SHTN1: variants seen among roughly 807,000 people sequenced by gnomAD.
SHTN1 encodes the protein shootin 1.
SHTN1 carries 42 observed loss-of-function variants against 83.1 expected under a neutral mutation model. That is an observed-to-expected ratio of 0.51 (90% CI 0.39 to 0.65). The LOEUF (loss-of-function observed/expected upper bound fraction) is 0.65. SHTN1 is among the 30% of genes least tolerant of loss of function. The probability of loss-of-function intolerance (pLI) is 0.00; values close to 1 mark genes in which losing one functional copy is unlikely to be tolerated. For synonymous variants in SHTN1, 224 were observed against 247.7 expected (o/e 0.90, Z 0.90); for missense variants, 622 against 737.8 (o/e 0.84, Z 1.82).
At chr10:117,035,206 A>T (rs781330212) in intron 2 of SHTN1, among the ~76,000 whole-genome samples, 21 of 152,240 alleles carry the variant, frequency 1.4e-4, no homozygotes, top group Admixed American at 1.4e-3. Context: ...CTCATTTTCA[A>T]CAAAGGTGCC....
At chr10:117,055,347 C>T (rs1852812783) in intron 1 of SHTN1, among the ~76,000 whole-genome samples, 1 of 152,100 alleles carries the variant, frequency 6.6e-6, no homozygotes, top group Non-Finnish European at 1.5e-5. Flanking sequence ...TTGTGTTTTT[C>T]CTGAGCCACA....
intron 2 of SHTN1, among the ~76,000 whole-genome samples, chr10:117,042,573 C>T (rs1247571695): frequency 6.6e-6 from 1 of 152,094 alleles, no homozygotes; most frequent in Non-Finnish European, 1.5e-5. Flanking sequence ...CAATACAGCT[C>T]TCAAGGGGAT....
chr10:116,894,658 GAAGT>G (rs757921314), intron 16 of SHTN1, among the ~76,000 whole-genome samples: 9 of 152,158 alleles, frequency 5.9e-5, no homozygotes, highest in Non-Finnish European at 8.8e-5. Context: ...TCTCCCTTTT[GAAGT>G]AAGGTTTTAA....
intron 2 of SHTN1, among the ~76,000 whole-genome samples, chr10:117,040,060 G>A (rs11197871): frequency 0.65 from 99,119 of 151,978 alleles, 36,104 homozygotes; most frequent in Middle Eastern, 0.84. Flanking sequence ...ATAGAGAGCT[G>A]TACAATATTC....
chr10:116,995,738 G>A (rs927016456), intron 1 of SHTN1, among the ~76,000 whole-genome samples: 1 of 152,104 alleles, frequency 6.6e-6, no homozygotes, highest in African/African-American at 2.4e-5. Flanking sequence ...CAGTTTTTGG[G>A]AACTGAGGTC....
intron 1 of SHTN1, among the ~76,000 whole-genome samples, chr10:116,994,179 T>C (rs986857656): frequency 3.3e-5 from 5 of 152,120 alleles, no homozygotes; most frequent in African/African-American, 1.2e-4. Flanking sequence ...GTGAGAAAGT[T>C]ATAAGCAAGA....
Position 116,882,707 on chromosome 10 carries a change from A to G in SHTN1, c.*3637T>C, listed in dbSNP as rs984146212. 2.0e-5 allele frequency: 3 copies of G among 152,194 alleles called. No homozygotes were observed. The highest frequency in any genetic ancestry group is 7.2e-5 in the African/African-American group (3 of 41,440). 9.4% of individuals were successfully genotyped at this position (152,194 alleles called of 1,614,324 possible). A position where few individuals can be genotyped will look rare whatever the true frequency, so the allele number is the denominator to read the frequency against. On this transcript the variant is annotated 3_prime_UTR_variant, in exon 17 of 17. Coordinates refer to ENST00000355371, the MANE Select transcript of SHTN1 (RefSeq NM_001127211.3). The stretch of plus-strand genomic sequence containing the variant: ...ACCTCTCCTTTTAAAGAGTACTAAC[A>G]AGGGACCTTAATTTCCTCATAACAG...
intron 1 of SHTN1, among the ~76,000 whole-genome samples, chr10:117,125,706 A>G (rs192813531): frequency 3.9e-5 from 6 of 152,198 alleles, no homozygotes; most frequent in Non-Finnish European, 5.9e-5. Context: ...TGCCCTGGTT[A>G]AGAACCCAAA....
intron 11 of SHTN1, among the ~76,000 whole-genome samples, chr10:116,921,890 G>C (rs1848581074): frequency 6.6e-6 from 1 of 152,116 alleles, no homozygotes; most frequent in African/African-American, 2.4e-5. Context: ...ACAGTAAAAA[G>C]TGTATGTTAT....
intron 4 of SHTN1, among the ~76,000 whole-genome samples, chr10:116,956,931 T>A (rs903626093): frequency 6.6e-6 from 1 of 152,116 alleles, no homozygotes; most frequent in Non-Finnish European, 1.5e-5. Context: ...TTTTGTTTTT[T>A]TGGAGATGGG....
At chr10:117,112,409 C>T (rs1564963147) in intron 1 of SHTN1, among the ~76,000 whole-genome samples, 1 of 152,178 alleles carries the variant, frequency 6.6e-6, no homozygotes, top group African/African-American at 2.4e-5. Flanking sequence ...GCCTTTTCCT[C>T]CCACCACCAA....
At chr10:116,894,522 C>T (rs1847445368) in intron 16 of SHTN1, among the ~76,000 whole-genome samples, 2 of 152,246 alleles carry the variant, frequency 1.3e-5, no homozygotes, top group Non-Finnish European at 2.9e-5. Flanking sequence ...AAAATGTTAA[C>T]TTGAAGAATC....
intron 1 of SHTN1, among the ~76,000 whole-genome samples, chr10:117,107,609 G>A (rs1314582423): frequency 6.6e-6 from 1 of 152,148 alleles, no homozygotes; most frequent in Non-Finnish European, 1.5e-5. Context: ...ATAATATTAG[G>A]ATGAAAGCCA....
intron 1 of SHTN1, among the ~76,000 whole-genome samples, chr10:117,097,818 T>A (rs184342785): frequency 2.6e-4 from 39 of 152,268 alleles, no homozygotes; most frequent in Middle Eastern, 3.4e-3. Context: ...TTAAGACTCT[T>A]CTCAATTTCT....
At chr10:116,963,977 T>TG (rs1036830454) in intron 3 of SHTN1, among the ~76,000 whole-genome samples, 2 of 142,188 alleles carry the variant, frequency 1.4e-5, no homozygotes, top group Admixed American at 6.9e-5. Flanking sequence ...GTAACTGTTT[T>TG]TTTTTTTTTT....
At chr10:116,964,209 G>A (rs1850310279) in intron 3 of SHTN1, among the ~76,000 whole-genome samples, 1 of 152,160 alleles carries the variant, frequency 6.6e-6, no homozygotes, top group Non-Finnish European at 1.5e-5. Flanking sequence ...GCCATTTGTT[G>A]AGCCTGACTA....
At chr10:117,104,812 T>G in intron 1 of SHTN1, among the ~76,000 whole-genome samples, 1 of 151,924 alleles carries the variant, frequency 6.6e-6, no homozygotes, top group African/African-American at 2.4e-5. Flanking sequence ...CTTAAAAAGA[T>G]TATTTGTCAT....
intron 15 of SHTN1, among the ~76,000 whole-genome samples, chr10:116,905,208 C>CAAAA (rs772309175): frequency 1.6e-5 from 1 of 63,424 alleles, no homozygotes; most frequent in African/African-American, 4.9e-5. Context: ...GACTCCGTCT[C>CAAAA]AAAAAAAAAA....
rs548246967 is a variant in SHTN1, at chr10:116,971,560, G to T, written c.112-2848C>A. Among the ~76,000 whole-genome samples the T allele has an allele frequency of 8.7e-4, 133 of 152,146 alleles. 2 individuals carry two copies. In the South Asian group the frequency reaches 0.022, roughly 25 times the overall value. On this transcript the variant is annotated intron_variant, in intron 2 of 16. Coordinates refer to ENST00000355371, the MANE Select transcript of SHTN1 (RefSeq NM_001127211.3). ...ATTTTCTAGAATGGGCTTCTGTTTGGTCTGGATTTCCCCACCACCCCTACC... is the reference window on the plus strand; with the variant it reads ...ATTTTCTAGAATGGGCTTCTGTTTGTTCTGGATTTCCCCACCACCCCTACC...
Sources: allele counts gnomAD v4.1 joint callset (sites outside exome capture counted in the v4.1 genomes callset), GRCh38; gene constraint gnomAD v4.1.1; transcripts MANE v1.5; gene names NCBI Gene and HGNC (gene_info 2026-07-23, HGNC 2026-07-21).